Variants in MYO5B observed in about 807,000 individuals in gnomAD.
MYO5B encodes myosin VB.
A neutral mutation model predicts 229.3 loss-of-function variants in MYO5B; 143 were observed. The ratio of observed to expected loss-of-function variants is 0.62; its 90% CI spans 0.54 to 0.72. The LOEUF (loss-of-function observed/expected upper bound fraction) is 0.72. MYO5B is among the 30% of genes least tolerant of loss of function. MYO5B has a pLI of 0.00. For synonymous variants in MYO5B, 918 were observed against 885.2 expected (o/e 1.04, Z -0.66); for missense variants, 2,321 against 2,331.0 (o/e 1.00, Z 0.09).
At chr18:50,190,882 T>C (rs1489889487) in intron 1 of MYO5B, among the ~76,000 whole-genome samples, 1 of 152,208 alleles carries the variant, frequency 6.6e-6, no homozygotes, top group Non-Finnish European at 1.5e-5. Context: ...TTCCCAAAAA[T>C]GTATAAATGC....
intron 7 of MYO5B, among the ~76,000 whole-genome samples, chr18:49,988,251 G>A (rs148390403): frequency 4.6e-4 from 70 of 152,252 alleles, no homozygotes; most frequent in East Asian, 3.9e-4. Flanking sequence ...TCAGCTACTC[G>A]ACTAGGGTTA....
At chr18:49,839,759 T>C (rs550574893) in intron 35 of MYO5B, 79 of 229,136 alleles carry the variant, frequency 3.4e-4, no homozygotes, top group African/African-American at 1.6e-3. Context: ...GTTATCAGAA[T>C]TAATAGATGA....
rs200175136 is a variant in MYO5B at position 49,962,319 on chromosome 18, C to G, written c.1492G>C (p.Asp498His). The change falls in exon 12 of 40, where the codon GAC (aspartate) becomes CAC (histidine). Residue 498 changes from aspartate to histidine, a missense_variant. Around this residue, in one of 2 missense-constraint regions of MYO5B, gnomAD observed 2,113 missense variants for 2,044.7 expected, o/e 1.03. Transcript: ENST00000285039. ...IDFYDNQPCI[D>H]LIEAKLGILD... ...ATACCCAGCTTGGCTTCAATGAGGT[C>G]GATACAAGGTTGGTTATCATAAAAA... The G allele has an allele frequency of 1.2e-6, 2 of 1,614,164 alleles. No homozygotes were observed. The highest frequency in any genetic ancestry group is 8.5e-7 in the Non-Finnish European group (1 of 1,180,022).
At chr18:50,078,221 C>T (rs1444225750) in intron 1 of MYO5B, among the ~76,000 whole-genome samples, 5 of 152,176 alleles carry the variant, frequency 3.3e-5, no homozygotes, top group Non-Finnish European at 7.4e-5. Context: ...AATTGATCAG[C>T]ACTTGGTACC....
chr18:50,152,193 T>G (rs2032609401), intron 1 of MYO5B, among the ~76,000 whole-genome samples: 1 of 152,060 alleles, frequency 6.6e-6, no homozygotes, highest in South Asian at 2.1e-4. Flanking sequence ...CAATGGTGCC[T>G]CCCCCACCCC....
chr18:49,946,292 A>G (rs1787590), intron 14 of MYO5B: 89,185 of 151,904 alleles, frequency 0.59, 26,662 homozygotes, highest in Middle Eastern at 0.73. Flanking sequence ...ATACTCCAGT[A>G]AGCATTTCCT....
chr18:49,857,103 G>A (rs2024272193), intron 29 of MYO5B, among the ~76,000 whole-genome samples: 1 of 152,360 alleles, frequency 6.6e-6, no homozygotes, highest in African/African-American at 2.4e-5. Context: ...TCCTGGAAGT[G>A]GGTTCATGTG....
At chr18:49,958,450 G>T (rs1333078894) in intron 12 of MYO5B, among the ~76,000 whole-genome samples, 1 of 152,132 alleles carries the variant, frequency 6.6e-6, no homozygotes, top group Non-Finnish European at 1.5e-5. Flanking sequence ...CTTCCTTCAT[G>T]GGGAAATAGA....
At chr18:50,100,688 C>T (rs1568106495) in intron 1 of MYO5B, among the ~76,000 whole-genome samples, 1 of 152,208 alleles carries the variant, frequency 6.6e-6, no homozygotes, top group Admixed American at 6.5e-5. Context: ...ATGCATCTCC[C>T]CTCTCTTTTC....
intron 1 of MYO5B, among the ~76,000 whole-genome samples, chr18:50,119,155 T>C (rs2032016504): frequency 6.6e-6 from 1 of 152,226 alleles, no homozygotes; most frequent in Non-Finnish European, 1.5e-5. Flanking sequence ...CACTTACTGA[T>C]TCTGCAGATC....
At chr18:50,063,201 T>A (rs190913767) in intron 1 of MYO5B, among the ~76,000 whole-genome samples, 146 of 152,126 alleles carry the variant, frequency 9.6e-4, no homozygotes, top group African/African-American at 3.3e-3. Flanking sequence ...CCGAGTTAAC[T>A]CCTCCTCCCC....
chr18:50,019,064 T>C (rs2026246763), intron 4 of MYO5B, among the ~76,000 whole-genome samples: 1 of 152,110 alleles, frequency 6.6e-6, no homozygotes, highest in African/African-American at 2.4e-5. Context: ...CCATTTATTA[T>C]CCACCCGGGA....
At chr18:49,929,237 C>G (rs1300606430) in intron 17 of MYO5B, among the ~76,000 whole-genome samples, 2 of 152,236 alleles carry the variant, frequency 1.3e-5, no homozygotes, top group Non-Finnish European at 2.9e-5. Context: ...CTTTGCAACT[C>G]TAGCTAGCTC....
chr18:49,948,800 G>A (rs574979837), intron 14 of MYO5B, among the ~76,000 whole-genome samples: 1 of 152,204 alleles, frequency 6.6e-6, no homozygotes, highest in South Asian at 2.1e-4. Flanking sequence ...TGAACACCTG[G>A]GCCTTGTGTG....
At chr18:49,837,003 G>T in intron 37 of MYO5B, 118 bp from the exon 38 acceptor site, 1 of 1,007,288 alleles carries the variant, frequency 9.9e-7, no homozygotes, top group Non-Finnish European at 1.5e-6. Context: ...ATCTCACACG[G>T]TTAAAAAGCA....
chr18:50,047,833 A>T (rs1033884597), intron 2 of MYO5B, among the ~76,000 whole-genome samples: 3 of 151,328 alleles, frequency 2.0e-5, no homozygotes, highest in Non-Finnish European at 2.9e-5. Flanking sequence ...GCAAACTATC[A>T]CAAGGACGAA....
intron 1 of MYO5B, among the ~76,000 whole-genome samples, chr18:50,167,866 G>A (rs569942301): frequency 7.2e-5 from 11 of 152,260 alleles, no homozygotes; most frequent in African/African-American, 1.9e-4. Context: ...CTGGCCCCAC[G>A]GGTAAGGCAA....
intron 9 of MYO5B, among the ~76,000 whole-genome samples, chr18:49,978,666 A>G (rs1294372650): frequency 6.7e-6 from 1 of 149,942 alleles, no homozygotes; most frequent in African/African-American, 2.5e-5. Flanking sequence ...TTGGAGTGTC[A>G]CAAAGGAGAA....
intron 2 of MYO5B, among the ~76,000 whole-genome samples, chr18:50,055,065 T>A (rs2030508463): frequency 6.6e-6 from 1 of 152,156 alleles, no homozygotes. Context: ...AAACACTTAT[T>A]TTTTGTGTGA....
Sources: gnomAD v4.1 joint callset for allele counts (sites outside exome capture counted in the v4.1 genomes callset) on GRCh38, gnomAD v4.1.1 for gene constraint, gnomAD v4.1.1 regional missense constraint, MANE v1.5 for transcripts, NCBI Gene and HGNC (gene_info 2026-07-23, HGNC 2026-07-21) for gene names.